Variants in TAF1B observed in about 807,000 individuals in gnomAD.
TAF1B encodes the protein TATA-box binding protein associated factor, RNA polymerase I subunit B, also known as TATA box-binding protein-associated factor RNA polymerase I subunit B.
A neutral mutation model predicts 83.9 loss-of-function variants in TAF1B; 61 were observed. The ratio of observed to expected loss-of-function variants is 0.73; its 90% CI spans 0.59 to 0.90. TAF1B has a LOEUF of 0.90. Ranked by LOEUF, TAF1B falls within the 40% of genes least tolerant of loss-of-function variation. The probability of loss-of-function intolerance (pLI) is 0.00; values close to 1 mark genes in which losing one functional copy is unlikely to be tolerated. For missense variants in TAF1B, 625 were observed against 677.0 expected (o/e 0.92, Z 0.85); for synonymous variants, 221 against 224.6 (o/e 0.98, Z 0.14).
chr2:9,928,956 T>C (rs1432981890), intron 14 of TAF1B, among the ~76,000 whole-genome samples: 8 of 152,212 alleles, frequency 5.3e-5, no homozygotes. Context: ...AAGGGAATGC[T>C]TCCAGTTTTT....
intron 12 of TAF1B, among the ~76,000 whole-genome samples, chr2:9,917,866 A>AT (rs1665730922): frequency 6.6e-6 from 1 of 151,882 alleles, no homozygotes; most frequent in African/African-American, 2.4e-5. Context: ...AGGTCAGGAG[A>AT]TTGAGACCAT....
intron 8 of TAF1B, among the ~76,000 whole-genome samples, chr2:9,889,186 A>C (rs1664786720): frequency 6.6e-6 from 1 of 151,660 alleles, no homozygotes; most frequent in Non-Finnish European, 1.5e-5. Context: ...ATTTGTTTAA[A>C]TTTTTTTGGC....
chr2:9,843,597 G>A (rs1281209311), intron 1 of TAF1B, 38 bp downstream of exon 1: 2 of 1,480,820 alleles, frequency 1.4e-6, no homozygotes, highest in Non-Finnish European at 1.8e-6. Flanking sequence ...ACGATCGCCG[G>A]GGCCGGAGGA....
At chr2:9,875,589 G>C (rs1234767057) in intron 6 of TAF1B, among the ~76,000 whole-genome samples, 1 of 152,040 alleles carries the variant, frequency 6.6e-6, no homozygotes, top group Non-Finnish European at 1.5e-5. Context: ...GCGTGTGCAG[G>C]GGAACTACCC....
chr2:9,913,093 A>G, intron 11 of TAF1B, 66 bp from the exon 12 acceptor site: 1 of 1,343,784 alleles, frequency 7.4e-7, no homozygotes, highest in South Asian at 1.5e-5. Flanking sequence ...GAAAACTCAG[A>G]TGAACAATGT....
chr2:9,889,360 G>A (rs1377146722), intron 8 of TAF1B, among the ~76,000 whole-genome samples: 1 of 151,846 alleles, frequency 6.6e-6, no homozygotes, highest in African/African-American at 2.4e-5. Flanking sequence ...ATCTTTACTT[G>A]AGTATCTTCT....
chr2:9,895,182 G>A (rs1403094470), intron 8 of TAF1B, among the ~76,000 whole-genome samples: 1 of 152,234 alleles, frequency 6.6e-6, no homozygotes. Flanking sequence ...CAAACTCCCA[G>A]AAGACTAGAT....
Position 9,886,116 on chromosome 2 carries a change from A to G in TAF1B, c.807+3311A>G, listed in dbSNP as rs113391130. 1.0e-2 allele frequency among the ~76,000 whole-genome samples: 1,364 copies of G among 136,468 alleles called. 8 individuals are homozygous for G. The highest frequency in any genetic ancestry group is 0.013 in the Non-Finnish European group (763 of 58,154). The allele number at this position is 136,468 out of a possible 152,430, so 89.5% of individuals were successfully genotyped here. A position where few individuals can be genotyped will look rare whatever the true frequency, so the allele number is the denominator to read the frequency against. On this transcript the variant is annotated intron_variant, in intron 8 of 14. Coordinates refer to ENST00000263663, the MANE Select transcript of TAF1B (RefSeq NM_005680.3). ...GGTAGTATATTCAAAATGCAGACATATTGACGTATTCAAATGGCAATAGGC... is the reference window on the plus strand; with the variant it reads ...GGTAGTATATTCAAAATGCAGACATGTTGACGTATTCAAATGGCAATAGGC...
intron 2 of TAF1B, among the ~76,000 whole-genome samples, chr2:9,847,194 G>T (rs1014721305): frequency 6.6e-6 from 1 of 152,204 alleles, no homozygotes; most frequent in African/African-American, 2.4e-5. Context: ...GTCAACTCCT[G>T]TGGAGTAATT....
At chr2:9,926,861 G>T (rs1356292641) in intron 14 of TAF1B, among the ~76,000 whole-genome samples, 1 of 150,284 alleles carries the variant, frequency 6.7e-6, no homozygotes. Context: ...GATTTGATCA[G>T]ATTCAGGTTT....
At chr2:9,861,744 A>G (rs1438180913) in intron 5 of TAF1B, among the ~76,000 whole-genome samples, 2 of 152,230 alleles carry the variant, frequency 1.3e-5, no homozygotes, top group East Asian at 1.9e-4. Context: ...CCTCTGAGAC[A>G]AAACTTCCAG....
intron 11 of TAF1B, among the ~76,000 whole-genome samples, chr2:9,912,391 T>G (rs1665559449): frequency 1.3e-5 from 2 of 152,294 alleles, no homozygotes; most frequent in South Asian, 4.2e-4. Flanking sequence ...TCATTAGGAT[T>G]TATGTTCATT....
chr2:9,899,689 ATGTAT>A (rs75429270), intron 8 of TAF1B, among the ~76,000 whole-genome samples: 34,491 of 151,952 alleles, frequency 0.23, 4,715 homozygotes, highest in East Asian at 0.31. Context: ...TACAAAAGTA[ATGTAT>A]TCAGAATTAG....
intron 1 of TAF1B, 54 bp from the exon 2 acceptor site, chr2:9,845,166 G>C: frequency 7.5e-7 from 1 of 1,339,498 alleles, no homozygotes; most frequent in African/African-American, 1.4e-5. Context: ...GTTTAGGTAC[G>C]ATGTATTGAA....
At chr2:9,928,198 C>G (rs1666102037) in intron 14 of TAF1B, among the ~76,000 whole-genome samples, 1 of 152,052 alleles carries the variant, frequency 6.6e-6, no homozygotes. Flanking sequence ...ATTTCTGAGG[C>G]CTCTGTTCTG....
intron 6 of TAF1B, among the ~76,000 whole-genome samples, chr2:9,872,678 T>A (rs767397400): frequency 4.6e-5 from 7 of 152,218 alleles, no homozygotes; most frequent in Non-Finnish European, 8.8e-5. Flanking sequence ...GAGGCTAACG[T>A]GTTTTCAATT....
At position 9,933,683 on chromosome 2, in the gene TAF1B, T is replaced by C. The variant is rs547974239; in HGVS notation, c.1566-100T>C. ...CAGGGTCCTGTTTTAAGCCTAACCA[T>C]ATATATTTGCTAAGTTATTTGGGGG... On this transcript the variant is annotated intron_variant, in intron 14 of 14. Coordinates refer to ENST00000263663, the MANE Select transcript of TAF1B (RefSeq NM_005680.3). The C allele has an allele frequency of 5.8e-5, 56 of 971,904 alleles. No individual in the cohort carries two copies. The South Asian group carries it at 8.7e-4, about 15-fold the overall frequency. 60.2% of individuals were successfully genotyped at this position (971,904 alleles called of 1,614,324 possible).
intron 8 of TAF1B, among the ~76,000 whole-genome samples, chr2:9,885,188 T>C (rs940837254): frequency 1.1e-4 from 17 of 152,346 alleles, no homozygotes; most frequent in Middle Eastern, 3.4e-3. Context: ...ACTGTAGTTC[T>C]AAGTCAGATT....
intron 8 of TAF1B, among the ~76,000 whole-genome samples, chr2:9,886,910 C>G (rs1282639562): frequency 6.6e-6 from 1 of 152,088 alleles, no homozygotes; most frequent in African/African-American, 2.4e-5. Flanking sequence ...ACTAAAAATA[C>G]AAAAATTAGC....
Sources: allele counts gnomAD v4.1 joint callset (sites outside exome capture counted in the v4.1 genomes callset), GRCh38; gene constraint gnomAD v4.1.1; transcripts MANE v1.5; gene names NCBI Gene and HGNC (gene_info 2026-07-23, HGNC 2026-07-21).